INPP5A: variants seen among roughly 807,000 people sequenced by gnomAD.
INPP5A encodes the protein 43 kDa inositol polyphosphate 5-phophatase.
A neutral mutation model predicts 65.2 loss-of-function variants in INPP5A; 14 were observed. The observed-to-expected ratio is 0.21, with a 90% CI of 0.14 to 0.34. The LOEUF (loss-of-function observed/expected upper bound fraction) is 0.34, where lower values mean the gene tolerates loss of function less well. INPP5A is among the 10% of genes least tolerant of loss of function. The pLI is 1.00. For missense variants in INPP5A, 431 were observed against 545.6 expected (o/e 0.79, Z 2.09); for synonymous variants, 207 against 208.3 (o/e 0.99, Z 0.05).
rs1390883525 is a variant in INPP5A at position 132,644,423 on chromosome 10, G to A, written c.118-1445G>A. The stretch of plus-strand genomic sequence containing the variant: ...GCAGCACAGACAGGGCCTGTCCGCC[G>A]GGCTTGGTTGGAACCATTTCTGTCT... On this transcript the variant is annotated intron_variant, in intron 2 of 15. Transcript: ENST00000368594. The surrounding 1 kb of genome is among the most constrained non-coding windows in gnomAD (Gnocchi z 6.5). Among the ~76,000 whole-genome samples the A allele has an allele frequency of 2.0e-5, 3 of 152,202 alleles. No homozygotes were observed. Among genetic ancestry groups the A allele is most frequent in the Non-Finnish European group, 4.4e-5 (3 of 68,036 alleles).
chr10:132,640,179 C>T (rs991214619), intron 2 of INPP5A, among the ~76,000 whole-genome samples: 6 of 152,234 alleles, frequency 3.9e-5, no homozygotes, highest in South Asian at 2.1e-4. Flanking sequence ...GCTTTTCTTA[C>T]GGTTCTCAGC....
chr10:132,610,597 G>C (rs11146433), intron 2 of INPP5A, among the ~76,000 whole-genome samples: 2,714 of 152,366 alleles, frequency 0.018, 87 homozygotes, highest in African/African-American at 0.062. Flanking sequence ...AGGTGTGGTG[G>C]GGAGACCTGG....
intron 2 of INPP5A, among the ~76,000 whole-genome samples, chr10:132,631,622 C>T (rs1403247302): frequency 1.3e-5 from 2 of 152,220 alleles, no homozygotes; most frequent in Admixed American, 1.3e-4. Flanking sequence ...TTTTTAACAC[C>T]GAGTCTTGGC....
chr10:132,588,112 T>G (rs944032822), intron 1 of INPP5A, among the ~76,000 whole-genome samples: 81 of 152,284 alleles, frequency 5.3e-4, no homozygotes, highest in African/African-American at 1.6e-3. Context: ...GTGGATTCAG[T>G]TTGCTAGCAG....
At chr10:132,666,249 T>C (rs1462124433) in intron 4 of INPP5A, among the ~76,000 whole-genome samples, 1 of 152,216 alleles carries the variant, frequency 6.6e-6, no homozygotes, top group African/African-American at 2.4e-5. Context: ...GGGATATTTA[T>C]GTTTAAACCG....
intron 1 of INPP5A, among the ~76,000 whole-genome samples, chr10:132,598,691 G>A (rs1445350699): frequency 6.6e-6 from 1 of 152,138 alleles, no homozygotes; most frequent in Non-Finnish European, 1.5e-5. Flanking sequence ...TTAAGTTCCT[G>A]CTTTCAGTTC....
intron 4 of INPP5A, among the ~76,000 whole-genome samples, chr10:132,655,831 A>G (rs993772134): frequency 1.3e-5 from 2 of 152,122 alleles, no homozygotes; most frequent in African/African-American, 2.4e-5. Flanking sequence ...CTTACCATCC[A>G]TGGCTCTGGT....
chr10:132,625,101 C>T (rs1052211849), intron 2 of INPP5A, among the ~76,000 whole-genome samples: 21 of 131,738 alleles, frequency 1.6e-4, no homozygotes, highest in African/African-American at 2.2e-4. Context: ...CGCCCCTTCC[C>T]TCTCTCCCTC....
chr10:132,716,384 G>A (rs977780711), intron 8 of INPP5A, among the ~76,000 whole-genome samples: 44 of 152,308 alleles, frequency 2.9e-4, no homozygotes, highest in African/African-American at 8.9e-4. Flanking sequence ...TTGCTGTGAC[G>A]CCTGTGTGTG....
chr10:132,774,470 C>A (rs185626350), intron 12 of INPP5A, among the ~76,000 whole-genome samples: 2 of 152,296 alleles, frequency 1.3e-5, no homozygotes, highest in East Asian at 3.9e-4. Context: ...GAGCACAGCT[C>A]GGGGAGTTGG....
chr10:132,762,051 GA>G lies in INPP5A; in HGVS notation c.904-3720del, dbSNP rs149604394. Among the ~76,000 whole-genome samples, 2 of 152,308 alleles carry G rather than the reference GA, an allele frequency of 1.3e-5. No homozygotes were observed. Among genetic ancestry groups the G allele is most frequent in the Non-Finnish European group, 2.9e-5 (2 of 68,038 alleles). Reference sequence around the variant, plus strand: ...AAGTGCCGGAGTAGACACAGCTGGAGAAGGGATTGAGGAATGGGATGGCAGG... The same window carrying G: ...AAGTGCCGGAGTAGACACAGCTGGAGAGGGATTGAGGAATGGGATGGCAGG... On this transcript the variant is annotated intron_variant, in intron 11 of 15. Transcript: ENST00000368594. The surrounding 1 kb of genome is among the most constrained non-coding windows in gnomAD (Gnocchi z 4.6).
chr10:132,673,210 T>C (rs1171555684), intron 4 of INPP5A, among the ~76,000 whole-genome samples: 2 of 152,150 alleles, frequency 1.3e-5, no homozygotes, highest in Non-Finnish European at 2.9e-5. Context: ...TAACTTCCAG[T>C]TCAGTGGGAT....
chr10:132,711,153 AG>A (rs1181885976), intron 8 of INPP5A, among the ~76,000 whole-genome samples: 1 of 152,156 alleles, frequency 6.6e-6, no homozygotes, highest in African/African-American at 2.4e-5. Flanking sequence ...AGGACACTGA[AG>A]AGTCAGTGGG....
chr10:132,701,259 C>T (rs1006690671), intron 6 of INPP5A, among the ~76,000 whole-genome samples: 1 of 152,202 alleles, frequency 6.6e-6, no homozygotes, highest in Admixed American at 6.5e-5. Flanking sequence ...CCCCCACCCC[C>T]ACGGGATGTG....
Position 132,697,852 on chromosome 10 carries a change from A to C in INPP5A, c.407A>C (p.Tyr136Ser). 1 of 1,613,880 alleles carries C rather than the reference A, an allele frequency of 6.2e-7. No homozygotes were observed. Among genetic ancestry groups the C allele is most frequent in the Non-Finnish European group, 8.5e-7 (1 of 1,179,834 alleles). ...KYRKVAGKEI[Y>S]SDTLESTPML... ...AGAAAGGTCGCTGGCAAAGAGATCT[A>C]CTCGGATACCTTAGAGAGCACGCCC... is the stretch of plus-strand genomic sequence containing the variant. The change falls in exon 6 of 16, where the codon TAC becomes TCC. Residue 136 changes from tyrosine to serine, a missense_variant. Physicochemically the swap from Tyr to Ser is moderately radical, Grantham distance 144 (BLOSUM62 -2). Transcript: ENST00000368594. This position sits in a 1 kb window ranked among gnomAD's most constrained non-coding sequence, Gnocchi z 5.6.
chr10:132,703,929 C>T (rs867850871), intron 6 of INPP5A, among the ~76,000 whole-genome samples: 3 of 121,888 alleles, frequency 2.5e-5, no homozygotes, highest in South Asian at 3.1e-4. Context: ...CACACGCAAG[C>T]TTCACCCCCA....
chr10:132,609,440 G>A (rs2071910910), intron 2 of INPP5A, among the ~76,000 whole-genome samples: 1 of 152,078 alleles, frequency 6.6e-6, no homozygotes, highest in African/African-American at 2.4e-5. Flanking sequence ...TGTGCCTGTC[G>A]GGGAGACCCA....
intron 11 of INPP5A, among the ~76,000 whole-genome samples, chr10:132,752,632 GGTGTGGCATGGAGGGA>G (rs1336120798): frequency 0.1 from 11,357 of 110,572 alleles, 712 homozygotes; most frequent in Non-Finnish European, 0.14. Context: ...CATGGAGTGG[GGTGTGGCATGGAGGGA>G]CACGGGGCGT....
At chr10:132,733,155 A>G (rs1846116293) in intron 9 of INPP5A, among the ~76,000 whole-genome samples, 2 of 152,134 alleles carry the variant, frequency 1.3e-5, no homozygotes, top group Admixed American at 1.3e-4. Context: ...TTGCAAGGAC[A>G]TGAGTCCATG....
Sources: gnomAD v4.1 joint callset for allele counts (sites outside exome capture counted in the v4.1 genomes callset) on GRCh38, gnomAD v4.1.1 for gene constraint, Gnocchi (gnomAD v3.1) non-coding constraint, MANE v1.5 for transcripts, NCBI Gene and HGNC (gene_info 2026-07-23, HGNC 2026-07-21) for gene names.